The following ZMYM2 variants were observed in gnomAD, a reference collection of about 807,000 sequenced individuals.
ZMYM2 encodes the protein zinc finger MYM-type protein 2.
Under a neutral mutation model 162.8 loss-of-function variants are expected in ZMYM2, and 56 were observed. The observed-to-expected ratio is 0.34, with a 90% CI of 0.28 to 0.43. The LOEUF (loss-of-function observed/expected upper bound fraction) is 0.43. Ranked by LOEUF, ZMYM2 falls within the 20% of genes least tolerant of loss-of-function variation. The pLI is 1.00. For missense variants in ZMYM2, 1,275 were observed against 1,621.8 expected, an observed-to-expected ratio of 0.79 and a Z score of 3.67; for synonymous variants, 510 against 541.6, an observed-to-expected ratio of 0.94 and a Z score of 0.81.
chr13:19,882,872 T>C, the ZMYM2 span, among the ~76,000 whole-genome samples: 2 of 152,132 alleles, frequency 1.3e-5, no homozygotes, highest in South Asian at 2.1e-4. Context: ...AAACATTAAT[T>C]ATCTTTTGAC....
the ZMYM2 span, among the ~76,000 whole-genome samples, chr13:19,899,377 TAC>T: frequency 2.0e-5 from 3 of 152,048 alleles, no homozygotes; most frequent in African/African-American, 7.3e-5. Context: ...GCTCCTTTTT[TAC>T]AGTTAAAGAG....
At chr13:19,879,587 T>C in the ZMYM2 span, among the ~76,000 whole-genome samples, 1 of 152,228 alleles carries the variant, frequency 6.6e-6, no homozygotes, top group African/African-American at 2.4e-5. Flanking sequence ...AGCGAGTCTT[T>C]CCATTTTGTT....
Position 19,960,310 on chromosome 13 carries a change from C to G in ZMYM2, c.-11+284C>G, listed in dbSNP as rs1041676700. On this transcript the variant is annotated intron_variant, in intron 2 of 24. Coordinates refer to ENST00000610343, the MANE Select transcript of ZMYM2 (RefSeq NM_197968.4). ...ACGTTACCCGGGAGGAGGGGTGGTGCGAAGGAGGGCATATTTCTGGTGCCC... is the reference window on the plus strand; with the variant it reads ...ACGTTACCCGGGAGGAGGGGTGGTGGGAAGGAGGGCATATTTCTGGTGCCC... Among the ~76,000 whole-genome samples, 13 of 152,254 alleles carry G rather than the reference C, an allele frequency of 8.5e-5. 1 individual carries two copies. The highest frequency in any genetic ancestry group is 6.5e-4 in the Admixed American group (10 of 15,296).
chr13:20,042,322 A>G (rs779007738), intron 12 of ZMYM2, among the ~76,000 whole-genome samples: 1 of 151,994 alleles, frequency 6.6e-6, no homozygotes, highest in Non-Finnish European at 1.5e-5. Context: ...CAGCTCTGAG[A>G]GTCTTTCTTC....
At chr13:20,081,002 C>T (rs973814437) in intron 21 of ZMYM2, among the ~76,000 whole-genome samples, 1 of 152,198 alleles carries the variant, frequency 6.6e-6, no homozygotes, top group Non-Finnish European at 1.5e-5. Flanking sequence ...GATATGGCTC[C>T]AGGACTCTAG....
chr13:19,907,793 C>G, the ZMYM2 span, among the ~76,000 whole-genome samples: 2 of 119,600 alleles, frequency 1.7e-5, no homozygotes, highest in Non-Finnish European at 3.5e-5. Flanking sequence ...AAGGTAAAGT[C>G]TATTTTTAAG....
the ZMYM2 span, among the ~76,000 whole-genome samples, chr13:19,907,829 A>T: frequency 6.6e-6 from 1 of 152,006 alleles, no homozygotes; most frequent in Non-Finnish European, 1.5e-5. Context: ...AGAACGAAAA[A>T]AAGGTAAAGT....
intron 2 of ZMYM2, among the ~76,000 whole-genome samples, chr13:19,975,501 TTA>T (rs894238246): frequency 2.2e-4 from 33 of 152,258 alleles, no homozygotes; most frequent in Non-Finnish European, 1.5e-4. Context: ...TATCAGAGTT[TTA>T]TTCATTGTTA....
At chr13:20,059,236 A>T (rs1401878173) in intron 15 of ZMYM2, among the ~76,000 whole-genome samples, 3 of 151,794 alleles carry the variant, frequency 2.0e-5, no homozygotes, top group African/African-American at 7.3e-5. Context: ...AAAAATCCCT[A>T]AATTCTATTT....
chr13:19,905,890 C>A, the ZMYM2 span, among the ~76,000 whole-genome samples: 7 of 152,124 alleles, frequency 4.6e-5, no homozygotes, highest in African/African-American at 1.7e-4. Flanking sequence ...CCTGTAATCC[C>A]AGCACTTTGG....
At chr13:19,871,434 T>C in the ZMYM2 span, among the ~76,000 whole-genome samples, 1 of 152,134 alleles carries the variant, frequency 6.6e-6, no homozygotes, top group African/African-American at 2.4e-5. Context: ...TTATTTTCAT[T>C]GATAGAGCAT....
the ZMYM2 span, among the ~76,000 whole-genome samples, chr13:19,905,977 T>C: frequency 6.6e-6 from 1 of 151,542 alleles, no homozygotes; most frequent in Admixed American, 6.6e-5. Flanking sequence ...ATCTCTATTT[T>C]TTAATATAAA....
At chr13:19,886,165 T>A in the ZMYM2 span, among the ~76,000 whole-genome samples, 1 of 132,624 alleles carries the variant, frequency 7.5e-6, no homozygotes, top group African/African-American at 2.9e-5. Context: ...TTTCTTTCTT[T>A]TTTTTTTTTT....
In ZMYM2 at chr13:20,083,684, T is replaced by C. The variant is rs574420076; in HGVS notation, c.3849T>C (p.His1283=). 1 of 1,558,702 alleles carries C rather than the reference T, an allele frequency of 6.4e-7. No individual in the cohort carries two copies. The highest frequency in any genetic ancestry group is 8.7e-7 in the Non-Finnish European group (1 of 1,144,616). ...AAATTACTACTGGAAAAAGAAAACA[T>C]GAAGATGATGAGCCAGTATTTGAAC... ...EDKITTGKRK[H]EDDEPVFEQI... Residue 1283 remains histidine (H), a synonymous_variant, in exon 24 of 25, where the codon CAT becomes CAC. Transcript: ENST00000610343.
intron 9 of ZMYM2, among the ~76,000 whole-genome samples, chr13:20,029,498 ATGT>A (rs148506050): frequency 0.055 from 8,441 of 152,258 alleles, 262 homozygotes; most frequent in South Asian, 0.09. Context: ...GCTAAGAGTA[ATGT>A]TGGCTTTTAT....
the ZMYM2 span, among the ~76,000 whole-genome samples, chr13:19,925,820 G>A: frequency 2.1e-4 from 31 of 148,926 alleles, no homozygotes; most frequent in East Asian, 6.0e-3. Flanking sequence ...GCAGTGAGCC[G>A]AGATTGTGCC....
rs1338803690 is a variant in ZMYM2 at position 20,066,935 on chromosome 13, A to C, written c.3217A>C (p.Thr1073Pro). The stretch of plus-strand genomic sequence containing the variant: ...AGAATGCAGCTTTCCTTTCAAATAT[A>C]CGTATGGCGTAAATGCATGGAAACA... ...NSECSFPFKYTYGVNAWKHWV... is the reference protein window; with the variant it reads ...NSECSFPFKYPYGVNAWKHWV... The change falls in exon 20 of 25, where the codon ACG becomes CCG. Residue 1073 changes from threonine (T) to proline (P), a missense_variant. Physicochemically the swap from Thr to Pro is conservative, Grantham distance 38. Transcript: ENST00000610343. The C allele has an allele frequency of 6.2e-7, 1 of 1,613,630 alleles. No individual in the cohort carries two copies.
intron 3 of ZMYM2, among the ~76,000 whole-genome samples, chr13:19,996,728 CA>C (rs200528657): frequency 6.6e-6 from 1 of 151,084 alleles, no homozygotes; most frequent in African/African-American, 2.4e-5. Context: ...AAAAACAAAA[CA>C]AAAAAAACTA....
At chr13:20,041,818 G>A (rs1179338047) in intron 12 of ZMYM2, among the ~76,000 whole-genome samples, 1 of 151,966 alleles carries the variant, frequency 6.6e-6, no homozygotes, top group Non-Finnish European at 1.5e-5. Context: ...AGTTTGGTGG[G>A]ATATGGAATT....
Sources: gnomAD v4.1 joint callset for allele counts (sites outside exome capture counted in the v4.1 genomes callset) on GRCh38, gnomAD v4.1.1 for gene constraint, MANE v1.5 for transcripts, NCBI Gene and HGNC (gene_info 2026-07-23, HGNC 2026-07-21) for gene names.